The following WDR59 variants were observed in gnomAD, a reference collection of about 807,000 sequenced individuals.
The protein encoded by WDR59 is WD repeat domain 59.
A neutral mutation model predicts 131.2 loss-of-function variants in WDR59; 100 were observed. The ratio of observed to expected loss-of-function variants is 0.76; its 90% CI spans 0.65 to 0.90. WDR59 has a LOEUF of 0.90. Ranked by LOEUF, WDR59 falls within the 40% of genes least tolerant of loss-of-function variation. The pLI, the probability that WDR59 is intolerant of heterozygous loss-of-function variation, is 0.00. For missense variants in WDR59, 1,203 were observed against 1,262.2 expected (o/e 0.95, Z 0.71); for synonymous variants, 601 against 466.2 (o/e 1.29, Z -3.72).
intron 9 of WDR59, 23 bp downstream of exon 9, chr16:74,923,903 A>T: frequency 6.2e-7 from 1 of 1,607,082 alleles, no homozygotes; most frequent in Non-Finnish European, 8.5e-7. Flanking sequence ...GTTTCTTATC[A>T]AGAGGCAGGG....
intron 1 of WDR59, among the ~76,000 whole-genome samples, chr16:74,980,827 C>A (rs1040129365): frequency 7.3e-5 from 11 of 150,506 alleles, no homozygotes; most frequent in Admixed American, 2.0e-4. Context: ...AAAAATTAGC[C>A]CGGTGTGGTG....
chr16:74,884,771 G>A (rs552232250), intron 25 of WDR59, among the ~76,000 whole-genome samples: 2 of 152,160 alleles, frequency 1.3e-5, no homozygotes, highest in African/African-American at 4.8e-5. Context: ...ACCTTCCTTC[G>A]CTTGTTCACA....
Position 74,909,836 on chromosome 16 carries a change from G to A in WDR59, c.1471C>T (p.Leu491Phe), listed in dbSNP as rs772480957. The change falls in exon 15 of 26, where the codon CTT becomes TTT. Residue 491 changes from leucine to phenylalanine, a missense_variant. By Grantham distance (22) the Leu-to-Phe change is conservative (BLOSUM62 0). Transcript: ENST00000262144. ...ATGCTTCCCACCACAAAGGACTCAA[G>A]GCAGGAGACGAGCTGGCGCAGGCAG... ...EPCLRQLVSCLESFVNQEDSA... is the reference protein window; with the variant it reads ...EPCLRQLVSCFESFVNQEDSA... 9.9e-6 allele frequency: 16 copies of A among 1,612,440 alleles called. No individual in the cohort carries two copies. Among genetic ancestry groups the A allele is most frequent in the African/African-American group, 2.7e-5 (2 of 74,866 alleles).
chr16:74,886,614 C>A (rs759772193), intron 23 of WDR59: 18 of 501,610 alleles, frequency 3.6e-5, no homozygotes, highest in Middle Eastern at 1.1e-3. Flanking sequence ...TAAGTACACA[C>A]ACATGATGCT....
rs372610301 is a variant in WDR59 at position 74,922,050 on chromosome 16, G to A, written c.783C>T (p.Asn261=). 5.6e-6 allele frequency: 9 copies of A among 1,614,182 alleles called. No individual in the cohort carries two copies. The East Asian group carries it at 1.1e-4, about 20-fold the overall frequency. ...TVMVPQLRRE[N]SLLLWNVFDL... is the part of the protein sequence containing the mutation. The stretch of plus-strand genomic sequence containing the variant: ...CAAAGACATTCCACAGGAGAAGGCT[G>A]TTTTCCCTCCGCAGCTGGGGAACCA... The change falls in exon 10 of 26, where the codon AAC becomes AAT. Residue 261 remains asparagine (N), a synonymous_variant. Coordinates refer to ENST00000262144, the MANE Select transcript of WDR59 (RefSeq NM_030581.4).
At chr16:74,944,720 G>A (rs2042415) in intron 6 of WDR59, among the ~76,000 whole-genome samples, 10,714 of 151,996 alleles carry the variant, frequency 0.07, 710 homozygotes, top group East Asian at 0.33. Flanking sequence ...TTTTCCCCCA[G>A]GGTAGATCTG....
intron 2 of WDR59, among the ~76,000 whole-genome samples, chr16:74,958,620 A>AAAAAAAAAAAAAAAG (rs1199806175): frequency 7.1e-6 from 1 of 141,050 alleles, no homozygotes; most frequent in African/African-American, 2.6e-5. Flanking sequence ...AAAAAAAAAA[A>AAAAAAAAAAAAAAAG]CAAGCTAAAT....
chr16:74,929,170 G>C lies in WDR59; in HGVS notation c.652-5167C>G, dbSNP rs13331828. Among the ~76,000 whole-genome samples, 1,083 of 152,250 alleles carry C rather than the reference G, an allele frequency of 7.1e-3. 9 individuals carry two copies. The highest frequency in any genetic ancestry group is 0.024 in the African/African-American group (1,016 of 41,534). On this transcript the variant is annotated intron_variant, in intron 8 of 25. Transcript: ENST00000262144. ...GCTCACGGCAAGCTCGTCCTCCCGG[G>C]TTCATGCCATTCTCCTGCCTCAGCC... is the stretch of plus-strand genomic sequence containing the variant.
intron 3 of WDR59, among the ~76,000 whole-genome samples, chr16:74,955,081 G>A (rs2033216152): frequency 6.6e-6 from 1 of 152,188 alleles, no homozygotes; most frequent in African/African-American, 2.4e-5. Context: ...GAAGGATACT[G>A]AATTGTTCAC....
chr16:74,983,481 A>G (rs2034505774), intron 1 of WDR59, among the ~76,000 whole-genome samples: 1 of 152,076 alleles, frequency 6.6e-6, no homozygotes, highest in Non-Finnish European at 1.5e-5. Flanking sequence ...TCAAAAAAAA[A>G]GGTAAATAAA....
At chr16:74,903,919 A>T (rs376875085) in intron 18 of WDR59, 28 bp downstream of exon 18, 154 of 1,592,890 alleles carry the variant, frequency 9.7e-5, no homozygotes, top group Non-Finnish European at 1.3e-4. Context: ...AAGGGGTAAG[A>T]ATCAAAGGCT....
At chr16:74,952,445 CAA>C (rs61448932) in intron 3 of WDR59, among the ~76,000 whole-genome samples, 7 of 62,702 alleles carry the variant, frequency 1.1e-4, no homozygotes, top group African/African-American at 2.1e-4. Context: ...CCATCTCAAA[CAA>C]AAAAAAAAAA....
Position 74,888,049 on chromosome 16 carries a change from C to T in WDR59, c.2346+120G>A, listed in dbSNP as rs113657642. 7.5e-4 allele frequency: 952 copies of T among 1,274,636 alleles called. 5 individuals carry two copies. In the African/African-American group the frequency reaches 0.011, roughly 15 times the overall value. The allele number at this position is 1,274,636 out of a possible 1,614,324, so 79.0% of individuals were successfully genotyped here. ...ACGAGAATTGCTTGAACCCAGGAGGCGGAGGTTGCAGTGAGCTGAGATCAT... is the reference window on the plus strand; with the variant it reads ...ACGAGAATTGCTTGAACCCAGGAGGTGGAGGTTGCAGTGAGCTGAGATCAT... On this transcript the variant is annotated intron_variant, in intron 22 of 25. Transcript: ENST00000262144.
chr16:74,984,931 T>G (rs558027148), intron 1 of WDR59, 33 bp downstream of exon 1: 22 of 1,598,072 alleles, frequency 1.4e-5, no homozygotes, highest in African/African-American at 4.0e-5. Context: ...GGAGGACGCA[T>G]GCCCAGAGGG....
chr16:74,947,610 A>T (rs2032727818), intron 6 of WDR59, among the ~76,000 whole-genome samples: 1 of 152,200 alleles, frequency 6.6e-6, no homozygotes, highest in African/African-American at 2.4e-5. Flanking sequence ...CTAAAAAAAG[A>T]GAGAGAGACT....
rs71378721 is a variant in WDR59, at chr16:74,951,159, C to CAA, written c.326+297_326+298dup. Among the ~76,000 whole-genome samples the CAA allele has an allele frequency of 4.9e-3, 366 of 74,362 alleles. 14 individuals are homozygous for CAA. Among genetic ancestry groups the CAA allele is most frequent in the African/African-American group, 0.015 (273 of 18,160 alleles). 48.8% of individuals were successfully genotyped at this position (74,362 alleles called of 152,430 possible). On this transcript the variant is annotated intron_variant, in intron 4 of 25. Transcript: ENST00000262144. ...TGGGCGACAGAGTGAGACTTCGTCT[C>CAA]AAAAAAAAAAAAAAAAAAAAAAGTC...
intron 7 of WDR59, among the ~76,000 whole-genome samples, chr16:74,940,225 A>T (rs1157808510): frequency 6.6e-6 from 1 of 152,068 alleles, no homozygotes; most frequent in Non-Finnish European, 1.5e-5. Flanking sequence ...CTAAAAATAA[A>T]AAAATTAGCC....
intron 6 of WDR59, 132 bp from the exon 7 acceptor site, chr16:74,942,958 A>T (rs912511155): frequency 1.4e-6 from 1 of 709,610 alleles, no homozygotes; most frequent in South Asian, 1.6e-5. Context: ...CTGTGACTGC[A>T]CCAACTCCAC....
Position 74,889,606 on chromosome 16 carries a change from G to T in WDR59, c.2195+97C>A, listed in dbSNP as rs1964941463. The T allele has an allele frequency of 4.6e-6, 4 of 878,588 alleles. No homozygotes were observed. In the Admixed American group the frequency reaches 9.4e-5, roughly 21 times the overall value. The allele number at this position is 878,588 out of a possible 1,614,324, so 54.4% of individuals were successfully genotyped here. ...CCTACTCCTTCCTTTCATTCCTCGG[G>T]CCTCTGCACCTTTCTCTTAGGTGGT... is the stretch of plus-strand genomic sequence containing the variant. On this transcript the variant is annotated intron_variant, in intron 21 of 25. Transcript: ENST00000262144.
Sources: allele counts gnomAD v4.1 joint callset (sites outside exome capture counted in the v4.1 genomes callset), GRCh38; gene constraint gnomAD v4.1.1; transcripts MANE v1.5; gene names NCBI Gene and HGNC (gene_info 2026-07-23, HGNC 2026-07-21).